The following TCF4 variants were observed in gnomAD, a reference collection of about 807,000 sequenced individuals.
TCF4 encodes the protein transcription factor 4.
TCF4 carries 3 observed loss-of-function variants against 82.1 expected under a neutral mutation model. The observed-to-expected ratio is 0.04, with a 90% CI of 0.02 to 0.09. The LOEUF (loss-of-function observed/expected upper bound fraction) is 0.09, where lower values mean the gene tolerates loss of function less well. Ranked by LOEUF, TCF4 falls within the 10% of genes least tolerant of loss-of-function variation. The pLI is 1.00. For missense variants in TCF4, 518 were observed against 852.7 expected (o/e 0.61, Z 4.89); for synonymous variants, 276 against 309.6 (o/e 0.89, Z 1.14).
chr18:55,534,956 C>T (rs2097102303), intron 3 of TCF4, among the ~76,000 whole-genome samples: 1 of 152,224 alleles, frequency 6.6e-6, no homozygotes, highest in South Asian at 2.1e-4. Context: ...TATTCTATCT[C>T]ACCCTTTCTC....
At chr18:55,420,349 C>G (rs763598638) in intron 5 of TCF4, among the ~76,000 whole-genome samples, 1 of 152,204 alleles carries the variant, frequency 6.6e-6, no homozygotes, top group Non-Finnish European at 1.5e-5. Context: ...CTTGTCAACA[C>G]AGCATGATTA....
At chr18:55,283,936 A>G (rs781107686) in intron 8 of TCF4, among the ~76,000 whole-genome samples, 2 of 152,194 alleles carry the variant, frequency 1.3e-5, no homozygotes, top group Non-Finnish European at 2.9e-5. Flanking sequence ...ACATTTTTCA[A>G]GGGGTAAAGC....
At chr18:55,552,398 T>C (rs1382606707) in intron 3 of TCF4, among the ~76,000 whole-genome samples, 1 of 152,218 alleles carries the variant, frequency 6.6e-6, no homozygotes, top group East Asian at 1.9e-4. Context: ...AATTAGCTAC[T>C]ACACCTCTTT....
intron 11 of TCF4, chr18:55,265,858 A>G (rs779928760): frequency 3.3e-5 from 5 of 152,228 alleles, no homozygotes; most frequent in Non-Finnish European, 7.3e-5. Context: ...TATTAAATCA[A>G]TCTTGGTAGT....
chr18:55,265,635 C>T (rs1272066578), intron 11 of TCF4: 1 of 152,160 alleles, frequency 6.6e-6, no homozygotes, highest in Non-Finnish European at 1.5e-5. Flanking sequence ...CGCCTGACTA[C>T]TTCAAGGCTC....
At chr18:55,337,323 T>C (rs990208051) in intron 8 of TCF4, among the ~76,000 whole-genome samples, 2 of 152,186 alleles carry the variant, frequency 1.3e-5, no homozygotes, top group Non-Finnish European at 2.9e-5. Flanking sequence ...TTGAGGGGAA[T>C]AAATAGTATT....
At chr18:55,310,243 T>C (rs1043722029) in intron 8 of TCF4, among the ~76,000 whole-genome samples, 3 of 152,116 alleles carry the variant, frequency 2.0e-5, no homozygotes, top group Non-Finnish European at 2.9e-5. Context: ...TGGGAAGGAA[T>C]TGAAATTCCA....
At chr18:55,340,264 G>A (rs187626035) in intron 8 of TCF4, among the ~76,000 whole-genome samples, 71 of 152,274 alleles carry the variant, frequency 4.7e-4, no homozygotes, top group African/African-American at 1.6e-3. Flanking sequence ...CATCACAGCC[G>A]ATGTACCAGT....
At chr18:55,506,290 T>C (rs2096758653) in intron 3 of TCF4, among the ~76,000 whole-genome samples, 1 of 152,200 alleles carries the variant, frequency 6.6e-6, no homozygotes, top group Non-Finnish European at 1.5e-5. Flanking sequence ...CTGTACTTCC[T>C]CTCTTTGCAG....
intron 5 of TCF4, among the ~76,000 whole-genome samples, chr18:55,407,213 A>G (rs1184244374): frequency 1.3e-5 from 2 of 152,206 alleles, no homozygotes; most frequent in Non-Finnish European, 2.9e-5. Context: ...TGAAATGAAT[A>G]TGACCTAATG....
chr18:55,337,210 A>G (rs1320956380), intron 8 of TCF4, among the ~76,000 whole-genome samples: 1 of 152,174 alleles, frequency 6.6e-6, no homozygotes, highest in African/African-American at 2.4e-5. Flanking sequence ...GATACACTCT[A>G]ATTACCAGAC....
At chr18:55,244,062 T>C (rs1467613959) in intron 15 of TCF4, among the ~76,000 whole-genome samples, 1 of 152,100 alleles carries the variant, frequency 6.6e-6, no homozygotes, top group Non-Finnish European at 1.5e-5. Flanking sequence ...AAAAAAAAAG[T>C]ACAATGTTAA....
intron 3 of TCF4, among the ~76,000 whole-genome samples, chr18:55,583,221 C>T (rs575116675): frequency 5.9e-5 from 9 of 152,232 alleles, no homozygotes; most frequent in African/African-American, 1.9e-4. Context: ...TCTGGTACAA[C>T]GTAACTTAAA....
chr18:55,299,743 GT>G (rs1427157683), intron 8 of TCF4, among the ~76,000 whole-genome samples: 3 of 152,064 alleles, frequency 2.0e-5, no homozygotes, highest in Non-Finnish European at 4.4e-5. Context: ...TGCCTATAAT[GT>G]TCTTTTCTCC....
At chr18:55,386,412 A>C (rs1370442728) in intron 6 of TCF4, among the ~76,000 whole-genome samples, 16 of 152,138 alleles carry the variant, frequency 1.1e-4, no homozygotes, top group Non-Finnish European at 1.5e-5. Context: ...TCTGACCGAA[A>C]GCTTTTTCCC....
chr18:55,576,506 TAG>T (rs749643442), intron 3 of TCF4, among the ~76,000 whole-genome samples: 30 of 152,168 alleles, frequency 2.0e-4, no homozygotes, highest in Non-Finnish European at 4.0e-4. Flanking sequence ...GACTCCACTT[TAG>T]AGCCAAGAAA....
chr18:55,540,425 T>C (rs2097155769), intron 3 of TCF4, among the ~76,000 whole-genome samples: 1 of 152,156 alleles, frequency 6.6e-6, no homozygotes, highest in African/African-American at 2.4e-5. Flanking sequence ...TGACATCTAC[T>C]TTGACTGCTT....
At chr18:55,420,899 GA>G (rs377458803) in intron 5 of TCF4, among the ~76,000 whole-genome samples, 25,347 of 101,334 alleles carry the variant, frequency 0.25, 2,358 homozygotes, top group Admixed American at 0.37. Flanking sequence ...CGCTTTAAAA[GA>G]AAAAAAAAAA....
chr18:55,487,550 C>T (rs2096530621), intron 3 of TCF4, among the ~76,000 whole-genome samples: 1 of 151,974 alleles, frequency 6.6e-6, no homozygotes, highest in African/African-American at 2.4e-5. Context: ...TATAATTTGA[C>T]AAAATAATCA....
Sources: allele counts gnomAD v4.1 joint callset (sites outside exome capture counted in the v4.1 genomes callset), GRCh38; gene constraint gnomAD v4.1.1; transcripts MANE v1.5; gene names NCBI Gene and HGNC (gene_info 2026-07-23, HGNC 2026-07-21).